Variants in NPAS3 observed in about 807,000 individuals in gnomAD.
The protein encoded by NPAS3 is neuronal PAS domain-containing protein 3.
Under a neutral mutation model 73.1 loss-of-function variants are expected in NPAS3, and 14 were observed. That is an observed-to-expected ratio of 0.19 (90% CI 0.13 to 0.30). NPAS3 has a LOEUF of 0.30. Among genes scored for constraint, NPAS3 ranks in the 10% least tolerant of loss-of-function variants. The pLI, the probability that NPAS3 is intolerant of heterozygous loss-of-function variation, is 1.00. For missense variants in NPAS3, 1,096 were observed against 1,250.0 expected (o/e 0.88, Z 1.86); for synonymous variants, 620 against 541.5 (o/e 1.14, Z -2.01).
chr14:33,555,072 G>A (rs1260920725), intron 4 of NPAS3, among the ~76,000 whole-genome samples: 2 of 150,314 alleles, frequency 1.3e-5, no homozygotes, highest in African/African-American at 2.4e-5. Context: ...CTTCTTGCAT[G>A]TGTACCTCAT....
chr14:33,289,658 TA>T (rs1489041307), intron 3 of NPAS3, among the ~76,000 whole-genome samples: 1 of 151,948 alleles, frequency 6.6e-6, no homozygotes, highest in African/African-American at 2.4e-5. Flanking sequence ...CCATGTCTAC[TA>T]AAAATACAAA....
At chr14:33,648,765 G>A (rs1156911590) in intron 5 of NPAS3, among the ~76,000 whole-genome samples, 2 of 152,150 alleles carry the variant, frequency 1.3e-5, no homozygotes, top group Non-Finnish European at 2.9e-5. Context: ...TGGTCGTTTG[G>A]CTAAACCACT....
chr14:33,385,654 C>T (rs2046745351), intron 4 of NPAS3, among the ~76,000 whole-genome samples: 1 of 152,056 alleles, frequency 6.6e-6, no homozygotes. Context: ...CAGACTGATC[C>T]CCAGCAGAGA....
intron 2 of NPAS3, among the ~76,000 whole-genome samples, chr14:33,057,425 G>A (rs986778342): frequency 6.6e-6 from 1 of 152,058 alleles, no homozygotes; most frequent in African/African-American, 2.4e-5. Flanking sequence ...TCCTTTTGTT[G>A]TATAAGAAGA....
intron 9 of NPAS3, among the ~76,000 whole-genome samples, chr14:33,785,615 C>A (rs887540599): frequency 6.6e-6 from 1 of 151,976 alleles, no homozygotes; most frequent in African/African-American, 2.4e-5. Flanking sequence ...TCTCAAAAAA[C>A]ATCAAACTTT....
chr14:33,136,403 A>T (rs754340157), intron 2 of NPAS3, among the ~76,000 whole-genome samples: 9 of 152,142 alleles, frequency 5.9e-5, no homozygotes, highest in Non-Finnish European at 8.8e-5. Context: ...GTTCTGAAAA[A>T]ACACAAAACG....
At position 33,790,550 on chromosome 14, in the gene NPAS3, C is replaced by CT. The variant is rs74352260; in HGVS notation, c.1154-3332dup. ...TGATCCAACTGATTTGCCAGTATGA[C>CT]TTTTTTTTTTTTTTTCCAAGGAAAG... On this transcript the variant is annotated intron_variant, in intron 9 of 11. Transcript: ENST00000356141. Among the ~76,000 whole-genome samples the CT allele has an allele frequency of 6.9e-3, 987 of 142,664 alleles. 11 individuals are homozygous for CT. Among genetic ancestry groups the CT allele is most frequent in the African/African-American group, 0.019 (762 of 39,144 alleles). 93.6% of individuals were successfully genotyped at this position (142,664 alleles called of 152,430 possible).
intron 2 of NPAS3, among the ~76,000 whole-genome samples, chr14:33,061,928 A>G (rs2041116940): frequency 6.6e-6 from 1 of 152,174 alleles, no homozygotes; most frequent in Non-Finnish European, 1.5e-5. Context: ...AGGAGGAGCT[A>G]TCTGAGCTTG....
At chr14:33,339,949 A>C (rs1162220623) in intron 3 of NPAS3, among the ~76,000 whole-genome samples, 4 of 152,200 alleles carry the variant, frequency 2.6e-5, no homozygotes, top group Non-Finnish European at 5.9e-5. Context: ...CAGTGTGTAA[A>C]ATTTAAAGTC....
chr14:33,080,264 C>T (rs972710463), intron 2 of NPAS3, among the ~76,000 whole-genome samples: 8 of 152,034 alleles, frequency 5.3e-5, no homozygotes, highest in Admixed American at 3.3e-4. Flanking sequence ...CCCGCCACCA[C>T]GCCTGGCTAA....
At chr14:33,024,384 C>G (rs955644492) in intron 1 of NPAS3, among the ~76,000 whole-genome samples, 8 of 152,018 alleles carry the variant, frequency 5.3e-5, no homozygotes, top group African/African-American at 1.9e-4. Flanking sequence ...GCTGGCCAAG[C>G]TGGTCTCGAA....
intron 3 of NPAS3, among the ~76,000 whole-genome samples, chr14:33,294,562 A>G (rs897255066): frequency 2.0e-5 from 3 of 152,178 alleles, no homozygotes; most frequent in Non-Finnish European, 2.9e-5. Context: ...AAGTTCCATG[A>G]AATCAGGGAT....
chr14:33,631,402 G>A (rs2058373153), intron 5 of NPAS3, among the ~76,000 whole-genome samples: 1 of 152,228 alleles, frequency 6.6e-6, no homozygotes, highest in Non-Finnish European at 1.5e-5. Flanking sequence ...GTTTGCTATT[G>A]GATGGTAAGC....
At chr14:33,731,414 G>A (rs1224215452) in intron 6 of NPAS3, among the ~76,000 whole-genome samples, 5 of 90,702 alleles carry the variant, frequency 5.5e-5, no homozygotes, top group African/African-American at 2.0e-4. Flanking sequence ...GGAAGACCCT[G>A]TCTCATTTGA....
intron 7 of NPAS3, among the ~76,000 whole-genome samples, chr14:33,740,498 T>C (rs1293142563): frequency 6.6e-6 from 1 of 152,242 alleles, no homozygotes; most frequent in Non-Finnish European, 1.5e-5. Flanking sequence ...CAATGAAAAC[T>C]GTTGACAGTA....
chr14:33,308,521 T>TACACACAC (rs1195465509), intron 3 of NPAS3, among the ~76,000 whole-genome samples: 1 of 38,526 alleles, frequency 2.6e-5, no homozygotes, highest in African/African-American at 1.8e-4. Context: ...TATATATATA[T>TACACACAC]ATATATACAT....
At chr14:33,301,841 T>C (rs774802782) in intron 3 of NPAS3, among the ~76,000 whole-genome samples, 1 of 152,234 alleles carries the variant, frequency 6.6e-6, no homozygotes, top group Non-Finnish European at 1.5e-5. Context: ...TTTTTACATT[T>C]ATCATTGTTT....
At chr14:33,491,654 T>G (rs1417902030) in intron 4 of NPAS3, among the ~76,000 whole-genome samples, 2 of 152,184 alleles carry the variant, frequency 1.3e-5, no homozygotes, top group African/African-American at 4.8e-5. Context: ...CTGAGTTGTT[T>G]GGTTCACCTT....
At chr14:33,801,507 G>A, downstream of NPAS3, 1 of 220,862 alleles carries the variant, frequency 4.5e-6, no homozygotes, top group Non-Finnish European at 8.9e-6. Context: ...TGATCAAGAT[G>A]GAAAGAGACA....
Sources: gnomAD v4.1 joint callset for allele counts (sites outside exome capture counted in the v4.1 genomes callset) on GRCh38, gnomAD v4.1.1 for gene constraint, MANE v1.5 for transcripts, NCBI Gene and HGNC (gene_info 2026-07-23, HGNC 2026-07-21) for gene names.